Variants in ARHGAP44 observed in about 807,000 individuals in gnomAD.
The protein encoded by ARHGAP44 is rho GTPase-activating protein 44.
A neutral mutation model predicts 106.8 loss-of-function variants in ARHGAP44; 43 were observed. The ratio of observed to expected loss-of-function variants is 0.40; its 90% CI spans 0.32 to 0.52. The LOEUF (loss-of-function observed/expected upper bound fraction) is 0.52, where lower values mean the gene tolerates loss of function less well. Ranked by LOEUF, ARHGAP44 falls within the 20% of genes least tolerant of loss-of-function variation. The probability of loss-of-function intolerance (pLI) is 0.48; values close to 1 mark genes in which losing one functional copy is unlikely to be tolerated. For synonymous variants in ARHGAP44, 439 were observed against 410.3 expected, an observed-to-expected ratio of 1.07 and a Z score of -0.85; for missense variants, 866 against 1,050.5, an observed-to-expected ratio of 0.82 and a Z score of 2.43.
At chr17:12,954,767 G>A (rs532774105) in intron 13 of ARHGAP44, among the ~76,000 whole-genome samples, 1 of 152,294 alleles carries the variant, frequency 6.6e-6, no homozygotes, top group Non-Finnish European at 1.5e-5. Context: ...GTTTGCCAGA[G>A]CTGTTTTTTT....
At chr17:12,972,835 G>C (rs1810046969) in intron 16 of ARHGAP44, among the ~76,000 whole-genome samples, 1 of 151,370 alleles carries the variant, frequency 6.6e-6, no homozygotes, top group Non-Finnish European at 1.5e-5. Context: ...CTAATTTTTT[G>C]TATTTTTAGT....
rs1424237828 is a variant in ARHGAP44, at chr17:12,977,545, C to T, written c.1764-2513C>T. 3.3e-5 allele frequency among the ~76,000 whole-genome samples: 5 copies of T among 152,184 alleles called. No homozygotes were observed. The South Asian group carries it at 1.0e-3, about 31-fold the overall frequency. On this transcript the variant is annotated intron_variant, in intron 18 of 20. Coordinates refer to ENST00000379672, the MANE Select transcript of ARHGAP44 (RefSeq NM_014859.6). Reference sequence around the variant, plus strand: ...AATGCTAACCCCAAAATTCTCCTTCCTGCTTCTTGGCACCAAGGTCATGGG... The same window carrying T: ...AATGCTAACCCCAAAATTCTCCTTCTTGCTTCTTGGCACCAAGGTCATGGG...
At chr17:12,904,470 C>G (rs2037488202) in intron 3 of ARHGAP44, among the ~76,000 whole-genome samples, 1 of 152,192 alleles carries the variant, frequency 6.6e-6, no homozygotes. Context: ...CAGCTTACCC[C>G]CACCTTGGAA....
At position 12,949,091 on chromosome 17, in the gene ARHGAP44, A is replaced by T; in HGVS notation, c.862-49A>T. 1 of 1,515,806 alleles carries T rather than the reference A, an allele frequency of 6.6e-7. No individual in the cohort carries two copies. Among genetic ancestry groups the T allele is most frequent in the South Asian group, 1.2e-5 (1 of 83,406 alleles). 93.9% of individuals were successfully genotyped at this position (1,515,806 alleles called of 1,614,324 possible). A position where few individuals can be genotyped will look rare whatever the true frequency, so the allele number is the denominator to read the frequency against. ...GCAGTTGCGGGGTCTCTGCGCTTTG[A>T]TGTTGTACCTTGGAGTTGCTGTGCG... On this transcript the variant is annotated intron_variant, in intron 10 of 20. Coordinates refer to ENST00000379672, the MANE Select transcript of ARHGAP44 (RefSeq NM_014859.6). The surrounding 1 kb of genome is among the most constrained non-coding windows in gnomAD (Gnocchi z 4.1).
At chr17:12,914,448 A>C (rs2037840527) in intron 4 of ARHGAP44, among the ~76,000 whole-genome samples, 1 of 152,214 alleles carries the variant, frequency 6.6e-6, no homozygotes, top group South Asian at 2.1e-4. Flanking sequence ...CAAAGAACGA[A>C]ATTCTCCATT....
rs367569632 is a variant in ARHGAP44, at chr17:12,979,149, C to T, written c.1764-909C>T. 1.3e-3 allele frequency among the ~76,000 whole-genome samples: 191 copies of T among 152,312 alleles called. 5 individuals carry two copies. In the South Asian group the frequency reaches 0.036, roughly 29 times the overall value. The stretch of plus-strand genomic sequence containing the variant: ...GCATCTCCCCTGATTCACTAAAGGC[C>T]ACCTGGAGAATTTTCTTGGAAAGGA... On this transcript the variant is annotated intron_variant, in intron 18 of 20. Coordinates refer to ENST00000379672, the MANE Select transcript of ARHGAP44 (RefSeq NM_014859.6).
chr17:12,839,696 T>C (rs1236940988), intron 1 of ARHGAP44, among the ~76,000 whole-genome samples: 2 of 152,242 alleles, frequency 1.3e-5, no homozygotes, highest in African/African-American at 4.8e-5. Context: ...TTTGTTGTTG[T>C]TGTTAAAATG....
At chr17:12,818,623 A>G (rs968231037) in intron 1 of ARHGAP44, among the ~76,000 whole-genome samples, 1 of 152,098 alleles carries the variant, frequency 6.6e-6, no homozygotes, top group African/African-American at 2.4e-5. Flanking sequence ...ATAACAATTT[A>G]TGAAAGTCTC....
intron 1 of ARHGAP44, among the ~76,000 whole-genome samples, chr17:12,880,522 T>A (rs2036695982): frequency 6.6e-6 from 1 of 152,188 alleles, no homozygotes; most frequent in South Asian, 2.1e-4. Context: ...TTTTTTCCAA[T>A]CAACATTGTA....
intron 6 of ARHGAP44, among the ~76,000 whole-genome samples, chr17:12,925,396 T>A (rs2038202574): frequency 6.6e-6 from 1 of 152,066 alleles, no homozygotes; most frequent in Admixed American, 6.5e-5. Context: ...AAGCAGGAAC[T>A]TAAAAAGTGG....
intron 1 of ARHGAP44, among the ~76,000 whole-genome samples, chr17:12,844,022 G>A (rs1344065882): frequency 6.6e-6 from 1 of 152,094 alleles, no homozygotes; most frequent in African/African-American, 2.4e-5. Flanking sequence ...CCCTCAGTGG[G>A]TAGCAGCTGA....
At chr17:12,921,711 CTAGA>C (rs2038090738) in intron 6 of ARHGAP44, among the ~76,000 whole-genome samples, 1 of 152,192 alleles carries the variant, frequency 6.6e-6, no homozygotes, top group Non-Finnish European at 1.5e-5. Context: ...CAACTATTTT[CTAGA>C]TATGTGACCT....
In ARHGAP44 at chr17:12,920,174, G is replaced by A. The variant is rs192382084; in HGVS notation, c.464+343G>A. ...GCGGATCACAAGGTCAAGAGATCGA[G>A]ACCATCCTGGCTAACATGGTGAAAC... On this transcript the variant is annotated intron_variant, in intron 6 of 20. Coordinates refer to ENST00000379672, the MANE Select transcript of ARHGAP44 (RefSeq NM_014859.6). Among the ~76,000 whole-genome samples the A allele has an allele frequency of 4.0e-3, 613 of 152,196 alleles. 11 individuals are homozygous for A. The highest frequency in any genetic ancestry group is 2.4e-3 in the Non-Finnish European group (165 of 68,004).
intron 1 of ARHGAP44, among the ~76,000 whole-genome samples, chr17:12,828,985 T>C (rs529842871): frequency 1.7e-3 from 263 of 152,256 alleles, no homozygotes; most frequent in Admixed American, 3.8e-3. Context: ...TCATAAAAAT[T>C]GACCTATAAC....
At chr17:12,911,006 T>TAAA (rs139218651) in intron 4 of ARHGAP44, among the ~76,000 whole-genome samples, 1 of 59,380 alleles carries the variant, frequency 1.7e-5, no homozygotes, top group East Asian at 4.5e-4. Context: ...AAAAGGAAAA[T>TAAA]AAAAAAAAAT....
chr17:12,981,501 G>C (rs961163070), intron 19 of ARHGAP44, among the ~76,000 whole-genome samples: 1 of 151,722 alleles, frequency 6.6e-6, no homozygotes, highest in Non-Finnish European at 1.5e-5. Context: ...GGGTTCAAGC[G>C]ATTCTCCTGC....
At chr17:12,962,091 A>G (rs560248433) in intron 16 of ARHGAP44, among the ~76,000 whole-genome samples, 1 of 151,820 alleles carries the variant, frequency 6.6e-6, no homozygotes, top group Non-Finnish European at 1.5e-5. Context: ...ATATATATAT[A>G]TATGAATTAT....
intron 18 of ARHGAP44, among the ~76,000 whole-genome samples, chr17:12,975,795 C>CAAAAAAAA (rs57364760): frequency 4.8e-4 from 33 of 69,102 alleles, no homozygotes; most frequent in South Asian, 6.8e-4. Flanking sequence ...GACTCCGTCT[C>CAAAAAAAA]AAAAAAAAAA....
Position 12,861,644 on chromosome 17 carries a change from C to CTTTTTT in ARHGAP44, c.54-33287_54-33282dup, listed in dbSNP as rs71144930. On this transcript the variant is annotated intron_variant, in intron 1 of 20. Coordinates refer to ENST00000379672, the MANE Select transcript of ARHGAP44 (RefSeq NM_014859.6). The stretch of plus-strand genomic sequence containing the variant: ...AATTCCTCTTCTGCCTCCTCTTCCA[C>CTTTTTT]TTTTTTTTTTTTTTGAGATGGAATC... Among the ~76,000 whole-genome samples, 75 of 67,756 alleles carry CTTTTTT rather than the reference C, an allele frequency of 1.1e-3. 14 individuals carry two copies. Among genetic ancestry groups the CTTTTTT allele is most frequent in the East Asian group, 5.5e-3 (13 of 2,360 alleles). The allele number at this position is 67,756 out of a possible 152,430, so 44.5% of individuals were successfully genotyped here. A position where few individuals can be genotyped will look rare whatever the true frequency, so the allele number is the denominator to read the frequency against.
Sources: gnomAD v4.1 joint callset for allele counts (sites outside exome capture counted in the v4.1 genomes callset) on GRCh38, gnomAD v4.1.1 for gene constraint, Gnocchi (gnomAD v3.1) non-coding constraint, MANE v1.5 for transcripts, NCBI Gene and HGNC (gene_info 2026-07-23, HGNC 2026-07-21) for gene names.